Variants in NLK observed in about 807,000 individuals in gnomAD.
The protein encoded by NLK is serine/threonine-protein kinase NLK.
In NLK, 11 loss-of-function variants were observed where a neutral mutation model predicts 59.0. The observed-to-expected ratio is 0.19, with a 90% confidence interval of 0.12 to 0.31. NLK has a LOEUF of 0.31. Among genes scored for constraint, NLK ranks in the 10% least tolerant of loss-of-function variants. NLK has a pLI of 1.00. For synonymous variants in NLK, 235 were observed against 235.9 expected (o/e 1.00, Z 0.03); for missense variants, 410 against 661.1 (o/e 0.62, Z 4.16).
At chr17:28,170,612 A>G (rs891877874) in intron 6 of NLK, among the ~76,000 whole-genome samples, 1 of 152,258 alleles carries the variant, frequency 6.6e-6, no homozygotes, top group Non-Finnish European at 1.5e-5. Flanking sequence ...TTCAGAAAGT[A>G]AAGTTTAACA....
At chr17:28,173,566 A>G (rs1291370100) in intron 7 of NLK, among the ~76,000 whole-genome samples, 2 of 152,220 alleles carry the variant, frequency 1.3e-5, no homozygotes, top group Admixed American at 1.3e-4. Flanking sequence ...GTTCTCTTCT[A>G]AAACCAGCCC....
chr17:28,114,547 C>T (rs559495094), intron 1 of NLK, among the ~76,000 whole-genome samples: 2 of 152,262 alleles, frequency 1.3e-5, no homozygotes, highest in East Asian at 3.9e-4. Flanking sequence ...AAAAGACGTT[C>T]TTGATTTTAA....
At chr17:28,116,726 T>C (rs1475438681) in intron 1 of NLK, among the ~76,000 whole-genome samples, 1 of 152,196 alleles carries the variant, frequency 6.6e-6, no homozygotes, top group Non-Finnish European at 1.5e-5. Context: ...ATAAACCTAA[T>C]GTGCAACAAA....
chr17:28,117,356 C>T (rs1050002136), intron 1 of NLK, among the ~76,000 whole-genome samples: 1 of 152,164 alleles, frequency 6.6e-6, no homozygotes, highest in Non-Finnish European at 1.5e-5. Flanking sequence ...TTAGGTTTCA[C>T]TCACTAGTAC....
At chr17:28,106,346 A>G (rs1051663698) in intron 1 of NLK, among the ~76,000 whole-genome samples, 2 of 152,196 alleles carry the variant, frequency 1.3e-5, no homozygotes, top group African/African-American at 2.4e-5. Context: ...GAAAATACAT[A>G]AAATAGCCTA....
At chr17:28,064,174 CTTTTTTTT>C (rs66949112) in intron 1 of NLK, among the ~76,000 whole-genome samples, 6 of 99,608 alleles carry the variant, frequency 6.0e-5, no homozygotes, top group African/African-American at 1.5e-4. Context: ...AGTTAGCAAA[CTTTTTTTT>C]TTTTTTTTTT....
intron 3 of NLK, among the ~76,000 whole-genome samples, chr17:28,146,007 A>G (rs1250831377): frequency 6.6e-6 from 1 of 152,178 alleles, no homozygotes; most frequent in Admixed American, 6.5e-5. Flanking sequence ...CACCCAGCCA[A>G]AAGGAGCTTT....
At chr17:28,153,134 C>A (rs1341970237) in intron 3 of NLK, among the ~76,000 whole-genome samples, 1 of 151,842 alleles carries the variant, frequency 6.6e-6, no homozygotes, top group East Asian at 1.9e-4. Context: ...ATTAGCCAGG[C>A]GTGGTAGCAC....
intron 1 of NLK, among the ~76,000 whole-genome samples, chr17:28,114,015 G>A (rs1367865332): frequency 6.6e-6 from 1 of 151,386 alleles, no homozygotes; most frequent in African/African-American, 2.4e-5. Flanking sequence ...GGTTTCTTTT[G>A]TTCAAAATTA....
intron 7 of NLK, among the ~76,000 whole-genome samples, chr17:28,181,740 G>GCT: frequency 6.6e-6 from 1 of 152,240 alleles, no homozygotes; most frequent in East Asian, 1.9e-4. Flanking sequence ...GGGTGCAGTG[G>GCT]CTCACACCTG....
chr17:28,130,324 C>T (rs1277266180), intron 2 of NLK, among the ~76,000 whole-genome samples: 4 of 152,082 alleles, frequency 2.6e-5, no homozygotes, highest in African/African-American at 9.7e-5. Flanking sequence ...ATCATTTCTA[C>T]TGGTCTAAAT....
the NLK span, among the ~76,000 whole-genome samples, chr17:28,203,242 A>C: frequency 1.3e-5 from 2 of 150,070 alleles, no homozygotes; most frequent in African/African-American, 2.5e-5. Flanking sequence ...GCTCCTGGCC[A>C]CAAGTGATCC....
intron 7 of NLK, among the ~76,000 whole-genome samples, chr17:28,177,645 A>G (rs1406530978): frequency 1.3e-5 from 2 of 152,218 alleles, no homozygotes; most frequent in East Asian, 1.9e-4. Flanking sequence ...CCTACATTCT[A>G]TTACCATAAC....
chr17:28,131,179 C>A (rs906171522), intron 2 of NLK, among the ~76,000 whole-genome samples: 1 of 151,886 alleles, frequency 6.6e-6, no homozygotes, highest in African/African-American at 2.4e-5. Context: ...TTAAAATGAA[C>A]CGGGTTTCTT....
rs1376856095 is a variant in NLK at position 28,183,581 on chromosome 17, G to A, written c.1150-1598G>A. 3.3e-5 allele frequency among the ~76,000 whole-genome samples: 5 copies of A among 152,014 alleles called. No homozygotes were observed. In the South Asian group the frequency reaches 8.3e-4, roughly 25 times the overall value. On this transcript the variant is annotated intron_variant, in intron 7 of 10. Coordinates refer to ENST00000407008, the MANE Select transcript of NLK (RefSeq NM_016231.5). Reference sequence around the variant, plus strand: ...CAGGCTCAAGCAGTCCTTCTGCCTCGGCCTCCCAAAGTGCTGGGATTACAA... The same window carrying A: ...CAGGCTCAAGCAGTCCTTCTGCCTCAGCCTCCCAAAGTGCTGGGATTACAA...
intron 6 of NLK, among the ~76,000 whole-genome samples, chr17:28,169,717 T>G (rs967578959): frequency 6.8e-6 from 1 of 147,982 alleles, no homozygotes; most frequent in African/African-American, 2.6e-5. Flanking sequence ...TGCTGCTTCT[T>G]CTTCTTTTTT....
At position 28,070,471 on chromosome 17, in the gene NLK, A is replaced by G. The variant is rs1024440398; in HGVS notation, c.458+27140A>G. ...CCAGGTTCAAGGATTCTCCTACCTC[A>G]GCCTCCTGAGGAGCTGGGACTACAG... On this transcript the variant is annotated intron_variant, in intron 1 of 10. Transcript: ENST00000407008. Among the ~76,000 whole-genome samples, 5 of 148,412 alleles carry G rather than the reference A, an allele frequency of 3.4e-5. No individual in the cohort carries two copies. The Admixed American group carries it at 3.4e-4, about 10-fold the overall frequency.
chr17:28,174,846 A>G (rs1052148852), intron 7 of NLK, among the ~76,000 whole-genome samples: 2 of 151,956 alleles, frequency 1.3e-5, no homozygotes, highest in African/African-American at 4.8e-5. Flanking sequence ...CCACTCACCA[A>G]CCACATGATG....
At chr17:28,096,038 A>C (rs964489812) in intron 1 of NLK, among the ~76,000 whole-genome samples, 1 of 152,232 alleles carries the variant, frequency 6.6e-6, no homozygotes, top group Non-Finnish European at 1.5e-5. Context: ...TCACAAATGA[A>C]GTGTAATTGT....
Sources: allele counts gnomAD v4.1 joint callset (sites outside exome capture counted in the v4.1 genomes callset), GRCh38; gene constraint gnomAD v4.1.1; transcripts MANE v1.5; gene names NCBI Gene and HGNC (gene_info 2026-07-23, HGNC 2026-07-21).